The following FBXL20 variants were observed in gnomAD, a reference collection of about 807,000 sequenced individuals.
The protein encoded by FBXL20 is F-box/LRR-repeat protein 20.
In FBXL20, 11 loss-of-function variants were observed where a neutral mutation model predicts 64.0. The observed-to-expected ratio is 0.17, with a 90% confidence interval of 0.11 to 0.28. FBXL20 has a LOEUF of 0.28. Ranked by LOEUF, FBXL20 falls within the 10% of genes least tolerant of loss-of-function variation. The pLI, the probability that FBXL20 is intolerant of heterozygous loss-of-function variation, is 1.00. For missense variants in FBXL20, 303 were observed against 526.2 expected (o/e 0.58, Z 4.15); for synonymous variants, 184 against 189.0 (o/e 0.97, Z 0.22).
intron 2 of FBXL20, among the ~76,000 whole-genome samples, chr17:39,310,302 C>T (rs1417521645): frequency 1.3e-5 from 2 of 151,986 alleles, no homozygotes; most frequent in Admixed American, 6.6e-5. Flanking sequence ...CTAGAATTTC[C>T]ATCACGTTTC....
At chr17:39,331,656 A>G (rs2047462484) in intron 2 of FBXL20, among the ~76,000 whole-genome samples, 1 of 152,318 alleles carries the variant, frequency 6.6e-6, no homozygotes, top group South Asian at 2.1e-4. Flanking sequence ...TGCCTGGAAC[A>G]CTGTAGGCAC....
chr17:39,339,090 C>T (rs1483593384), intron 2 of FBXL20, among the ~76,000 whole-genome samples: 1 of 147,336 alleles, frequency 6.8e-6, no homozygotes, highest in Non-Finnish European at 1.5e-5. Context: ...ATCGCTTGAA[C>T]CTGGGAGGCG....
At chr17:39,349,237 G>A (rs1219449457) in intron 1 of FBXL20, among the ~76,000 whole-genome samples, 1 of 146,760 alleles carries the variant, frequency 6.8e-6, no homozygotes, top group African/African-American at 2.5e-5. Context: ...GGGGAACAGA[G>A]CGGGACTCCG....
At chr17:39,272,944 G>A (rs1331001044) in intron 10 of FBXL20, among the ~76,000 whole-genome samples, 1 of 152,058 alleles carries the variant, frequency 6.6e-6, no homozygotes, top group Non-Finnish European at 1.5e-5. Flanking sequence ...TACCTCCCCA[G>A]CTCTTGAGGA....
At chr17:39,308,211 C>T (rs1269904332) in intron 2 of FBXL20, among the ~76,000 whole-genome samples, 1 of 151,186 alleles carries the variant, frequency 6.6e-6, no homozygotes. Context: ...CTCCTGGGCT[C>T]AGGTGATCTA....
intron 1 of FBXL20, among the ~76,000 whole-genome samples, chr17:39,368,759 TA>T (rs1402275172): frequency 6.6e-6 from 1 of 151,960 alleles, no homozygotes; most frequent in Non-Finnish European, 1.5e-5. Flanking sequence ...GGGTTCAAGC[TA>T]TTCTCCTGCC....
At chr17:39,316,078 T>C (rs2047288724) in intron 2 of FBXL20, among the ~76,000 whole-genome samples, 1 of 152,086 alleles carries the variant, frequency 6.6e-6, no homozygotes. Context: ...AGCAAGATCC[T>C]ATCTCTAAAA....
chr17:39,301,729 G>A (rs801418), intron 3 of FBXL20, among the ~76,000 whole-genome samples: 5 of 149,352 alleles, frequency 3.3e-5, no homozygotes, highest in African/African-American at 9.8e-5. Flanking sequence ...CTTCATCTGG[G>A]GGGGAAAAAT....
chr17:39,359,572 C>T (rs987314006), intron 1 of FBXL20, among the ~76,000 whole-genome samples: 6 of 151,830 alleles, frequency 4.0e-5, no homozygotes, highest in African/African-American at 1.5e-4. Context: ...AACTGCACTC[C>T]GGCCTGGGCA....
intron 9 of FBXL20, among the ~76,000 whole-genome samples, chr17:39,276,162 G>A (rs1289545624): frequency 1.5e-5 from 2 of 134,064 alleles, no homozygotes; most frequent in Non-Finnish European, 3.1e-5. Context: ...CAGGAGAATC[G>A]CTTAACCCCA....
chr17:39,323,454 T>C (rs190813602), intron 2 of FBXL20, among the ~76,000 whole-genome samples: 2 of 152,302 alleles, frequency 1.3e-5, no homozygotes, highest in South Asian at 2.1e-4. Flanking sequence ...AGCAACATAA[T>C]GTGTGACCTG....
At chr17:39,268,108 T>A (rs1284592709) in intron 12 of FBXL20, among the ~76,000 whole-genome samples, 2 of 152,086 alleles carry the variant, frequency 1.3e-5, no homozygotes, top group African/African-American at 4.8e-5. Context: ...TCCCAGCACT[T>A]TGGGAGGGCG....
chr17:39,269,318 T>G (rs1385837368), intron 11 of FBXL20, among the ~76,000 whole-genome samples: 5 of 149,118 alleles, frequency 3.4e-5, no homozygotes, highest in African/African-American at 1.3e-4. Flanking sequence ...CTCAGCCTCC[T>G]GAGTAGCTGG....
At chr17:39,308,353 A>C (rs1229361875) in intron 2 of FBXL20, among the ~76,000 whole-genome samples, 2 of 151,854 alleles carry the variant, frequency 1.3e-5, no homozygotes, top group Non-Finnish European at 2.9e-5. Flanking sequence ...AATTTAGCTG[A>C]GGATTGTGGT....
chr17:39,365,002 C>A (rs1272107171), intron 1 of FBXL20, among the ~76,000 whole-genome samples: 1 of 152,024 alleles, frequency 6.6e-6, no homozygotes, highest in Non-Finnish European at 1.5e-5. Context: ...TTATGACTCA[C>A]GATCTAAATT....
At chr17:39,399,878 A>T (rs913769362) in intron 1 of FBXL20, among the ~76,000 whole-genome samples, 11 of 152,236 alleles carry the variant, frequency 7.2e-5, no homozygotes, top group African/African-American at 2.7e-4. Flanking sequence ...GCAAACTGAT[A>T]AAGAGCTAAT....
rs781237910 is a variant in FBXL20 at position 39,268,923 on chromosome 17, T to G, written c.889-52A>C. 1.1e-5 allele frequency: 16 copies of G among 1,520,810 alleles called. 1 individual carries two copies. Among genetic ancestry groups the G allele is most frequent in the South Asian group, 9.2e-5 (8 of 87,012 alleles). The allele number at this position is 1,520,810 out of a possible 1,614,324, so 94.2% of individuals were successfully genotyped here. A position where few individuals can be genotyped will look rare whatever the true frequency, so the allele number is the denominator to read the frequency against. On this transcript the variant is annotated intron_variant, in intron 11 of 14. Transcript: ENST00000264658. The stretch of plus-strand genomic sequence containing the variant: ...CATTACAGTACAAACATTTAAAACA[T>G]GAGAAACTTTTAAGGACAGAAAACT...
At chr17:39,371,423 G>A (rs944509524) in intron 1 of FBXL20, among the ~76,000 whole-genome samples, 1 of 151,996 alleles carries the variant, frequency 6.6e-6, no homozygotes, top group African/African-American at 2.4e-5. Flanking sequence ...TACTGCAGAG[G>A]AAGATCCTCT....
At position 39,260,489 on chromosome 17, in the gene FBXL20, ATC is replaced by A. The variant is rs1183756866; in HGVS notation, c.*969_*970del. On this transcript the variant is annotated 3_prime_UTR_variant, in exon 15 of 15. Transcript: ENST00000264658. ...GATAAAATAGAAACCAAAAGGTAGC[ATC>A]TGTTTTCATCAAAACAGTTTCTTCT... 1.3e-5 allele frequency: 2 copies of A among 152,282 alleles called. No individual in the cohort carries two copies. Among genetic ancestry groups the A allele is most frequent in the Non-Finnish European group, 2.9e-5 (2 of 68,034 alleles). 9.4% of individuals were successfully genotyped at this position (152,282 alleles called of 1,614,324 possible).
Sources: allele counts gnomAD v4.1 joint callset (sites outside exome capture counted in the v4.1 genomes callset), GRCh38; gene constraint gnomAD v4.1.1; transcripts MANE v1.5; gene names NCBI Gene and HGNC (gene_info 2026-07-23, HGNC 2026-07-21).